SLC24A2: variants seen among roughly 807,000 people sequenced by gnomAD.
SLC24A2 encodes the protein solute carrier family 24 member 2.
A neutral mutation model predicts 62.0 loss-of-function variants in SLC24A2; 36 were observed. The observed-to-expected ratio is 0.58, with a 90% CI of 0.44 to 0.77. SLC24A2 has a LOEUF of 0.77. Ranked by LOEUF, SLC24A2 falls within the 30% of genes least tolerant of loss-of-function variation. The pLI is 0.00. For missense variants in SLC24A2, 846 were observed against 817.9 expected (o/e 1.03, Z -0.42); for synonymous variants, 358 against 294.0 (o/e 1.22, Z -2.23).
the SLC24A2 span, among the ~76,000 whole-genome samples, chr9:19,958,350 C>T: frequency 2.6e-5 from 4 of 152,186 alleles, no homozygotes; most frequent in Admixed American, 2.0e-4. Context: ...GAACACCACC[C>T]AGCTGTTGCA....
chr9:19,899,133 A>C, the SLC24A2 span, among the ~76,000 whole-genome samples: 1 of 152,182 alleles, frequency 6.6e-6, no homozygotes, highest in South Asian at 2.1e-4. Context: ...TTGTGTTCTC[A>C]CCCTGCTGTC....
At chr9:20,056,931 T>C in the SLC24A2 span, among the ~76,000 whole-genome samples, 3 of 152,268 alleles carry the variant, frequency 2.0e-5, no homozygotes, top group East Asian at 1.9e-4. Context: ...TCATTTTAAA[T>C]TGTTTGGAGA....
chr9:20,286,243 C>T, the SLC24A2 span, among the ~76,000 whole-genome samples: 1 of 152,186 alleles, frequency 6.6e-6, no homozygotes, highest in Non-Finnish European at 1.5e-5. Flanking sequence ...GCTACCATGG[C>T]TTGACCAAAT....
chr9:20,144,743 T>C, the SLC24A2 span, among the ~76,000 whole-genome samples: 11 of 152,152 alleles, frequency 7.2e-5, no homozygotes, highest in African/African-American at 2.4e-4. Context: ...TGGATTTAAC[T>C]ATACGGCTGT....
At chr9:19,966,633 T>C in the SLC24A2 span, among the ~76,000 whole-genome samples, 1 of 152,194 alleles carries the variant, frequency 6.6e-6, no homozygotes, top group African/African-American at 2.4e-5. Flanking sequence ...AATGTCACTA[T>C]TGAACTCACT....
At chr9:20,265,216 T>A in the SLC24A2 span, among the ~76,000 whole-genome samples, 657 of 152,290 alleles carry the variant, frequency 4.3e-3, 5 homozygotes, top group African/African-American at 0.015. Flanking sequence ...CAGCCGGCAG[T>A]GGGTGAACAG....
At chr9:19,535,126 T>A (rs778577834) in intron 8 of SLC24A2, among the ~76,000 whole-genome samples, 4 of 152,250 alleles carry the variant, frequency 2.6e-5, no homozygotes, top group African/African-American at 9.6e-5. Context: ...TGAGCTTTTT[T>A]TTCATGTTTG....
At chr9:19,532,845 A>C (rs1833773152) in intron 8 of SLC24A2, among the ~76,000 whole-genome samples, 1 of 152,194 alleles carries the variant, frequency 6.6e-6, no homozygotes, top group Non-Finnish European at 1.5e-5. Flanking sequence ...TCCTAGTTCT[A>C]ATGGGTCATG....
the SLC24A2 span, among the ~76,000 whole-genome samples, chr9:20,223,241 A>G: frequency 6.6e-6 from 1 of 152,208 alleles, no homozygotes; most frequent in Non-Finnish European, 1.5e-5. Flanking sequence ...TGAAGTACAT[A>G]GAAAAACACC....
the SLC24A2 span, among the ~76,000 whole-genome samples, chr9:20,292,332 A>T: frequency 6.6e-6 from 1 of 152,328 alleles, no homozygotes; most frequent in East Asian, 1.9e-4. Context: ...GTCTCGTTTT[A>T]AGTATAAGAT....
At chr9:19,606,601 T>G (rs1836990317) in intron 4 of SLC24A2, among the ~76,000 whole-genome samples, 1 of 152,202 alleles carries the variant, frequency 6.6e-6, no homozygotes, top group Admixed American at 6.5e-5. Flanking sequence ...CACTCATATG[T>G]CAGCTTGCAA....
the SLC24A2 span, among the ~76,000 whole-genome samples, chr9:19,901,967 G>A: frequency 3.9e-5 from 6 of 152,178 alleles, no homozygotes; most frequent in Non-Finnish European, 8.8e-5. Flanking sequence ...GAGGCCCCGT[G>A]CTTGCTGGGC....
chr9:19,595,765 A>ATGAT (rs1378603955), intron 5 of SLC24A2, among the ~76,000 whole-genome samples: 1 of 152,188 alleles, frequency 6.6e-6, no homozygotes, highest in African/African-American at 2.4e-5. Flanking sequence ...TAGGACATTA[A>ATGAT]TGATAGAAGG....
chr9:19,829,691 A>G, the SLC24A2 span, among the ~76,000 whole-genome samples: 6 of 150,900 alleles, frequency 4.0e-5, no homozygotes, highest in African/African-American at 1.5e-4. Context: ...TGTTTGTACC[A>G]CTGTTCCAGG....
the SLC24A2 span, among the ~76,000 whole-genome samples, chr9:19,886,567 T>G: frequency 2.4e-4 from 37 of 152,272 alleles, no homozygotes; most frequent in South Asian, 7.5e-3. Flanking sequence ...CAGATGCTGG[T>G]AAGGTTGTAG....
At chr9:20,214,664 T>A in the SLC24A2 span, among the ~76,000 whole-genome samples, 1 of 152,122 alleles carries the variant, frequency 6.6e-6, no homozygotes. Context: ...AAATCTCATG[T>A]TAAGTATTCT....
rs145624570 is a variant in SLC24A2 at position 19,550,213 on chromosome 9, C to A, written c.1403G>T (p.Arg468Leu). Residue 468 changes from arginine to leucine, a missense_variant, in exon 8 of 11, where the codon CGC becomes CTC. Arg to Leu is a moderately radical substitution (Grantham distance 102). Coordinates refer to ENST00000341998, the MANE Select transcript of SLC24A2 (RefSeq NM_020344.4). ...AACAATCAGAAACGTGACTTGCTTG[C>A]GGGTTTCAGAAGGCCAGGCAAGGCT... ...PLSLAWPSETRKQVTFLIVFP... is the reference protein window; with the variant it reads ...PLSLAWPSETLKQVTFLIVFP... The A allele has an allele frequency of 6.6e-5, 106 of 1,613,954 alleles. No individual in the cohort carries two copies. The highest frequency in any genetic ancestry group is 8.5e-5 in the Non-Finnish European group (100 of 1,179,970).
chr9:20,088,789 C>T, the SLC24A2 span, among the ~76,000 whole-genome samples: 3 of 152,114 alleles, frequency 2.0e-5, no homozygotes, highest in Non-Finnish European at 4.4e-5. Context: ...CCCCAGCCTC[C>T]CCAACTGGTG....
At chr9:19,960,047 C>T in the SLC24A2 span, among the ~76,000 whole-genome samples, 20 of 152,260 alleles carry the variant, frequency 1.3e-4, no homozygotes, top group Admixed American at 9.2e-4. Context: ...ATTGCAAAGG[C>T]CTGCAGAAAG....
Sources: allele counts gnomAD v4.1 joint callset (sites outside exome capture counted in the v4.1 genomes callset), GRCh38; gene constraint gnomAD v4.1.1; transcripts MANE v1.5; gene names NCBI Gene and HGNC (gene_info 2026-07-23, HGNC 2026-07-21).